Variants in TMTC1 observed in about 807,000 individuals in gnomAD.
The protein encoded by TMTC1 is protein O-mannosyl-transferase TMTC1.
In TMTC1, 73 loss-of-function variants were observed where a neutral mutation model predicts 104.8. That is an observed-to-expected ratio of 0.70 (90% CI 0.58 to 0.85). The LOEUF is 0.85. Among genes scored for constraint, TMTC1 ranks in the 40% least tolerant of loss-of-function variants. The probability of loss-of-function intolerance (pLI) is 0.00; values close to 1 mark genes in which losing one functional copy is unlikely to be tolerated. For synonymous variants in TMTC1, 434 were observed against 428.7 expected (o/e 1.01, Z -0.15); for missense variants, 1,035 against 1,096.1 (o/e 0.94, Z 0.79).
chr12:29,671,846 T>G (rs1940529777), intron 5 of TMTC1, among the ~76,000 whole-genome samples: 1 of 152,254 alleles, frequency 6.6e-6, no homozygotes, highest in South Asian at 2.1e-4. Flanking sequence ...GGGAAAGACC[T>G]AGGCCTGAAG....
intron 7 of TMTC1, among the ~76,000 whole-genome samples, chr12:29,592,822 A>G (rs1946315625): frequency 6.6e-6 from 1 of 152,228 alleles, no homozygotes; most frequent in Non-Finnish European, 1.5e-5. Context: ...ACATTATACT[A>G]TAATGATATT....
chr12:29,704,391 A>G (rs1258150909), intron 5 of TMTC1, among the ~76,000 whole-genome samples: 1 of 152,252 alleles, frequency 6.6e-6, no homozygotes, highest in Non-Finnish European at 1.5e-5. Flanking sequence ...TGAATGATAG[A>G]AAGTCTGAAT....
intron 6 of TMTC1, 96 bp downstream of exon 6, chr12:29,633,051 C>T (rs1938376717): frequency 8.6e-7 from 1 of 1,156,532 alleles, no homozygotes; most frequent in Non-Finnish European, 1.2e-6. Flanking sequence ...AGAGGAGATT[C>T]AATTTACACC....
At chr12:29,773,106 C>A (rs1451156044) in intron 1 of TMTC1, among the ~76,000 whole-genome samples, 1 of 152,104 alleles carries the variant, frequency 6.6e-6, no homozygotes, top group Non-Finnish European at 1.5e-5. Context: ...TATCTGAAAA[C>A]CTTCCAGAGT....
intron 10 of TMTC1, among the ~76,000 whole-genome samples, chr12:29,547,566 A>G (rs1944974725): frequency 6.6e-6 from 1 of 152,256 alleles, no homozygotes; most frequent in African/African-American, 2.4e-5. Flanking sequence ...AAATGAAACC[A>G]CATTTTAAAT....
At position 29,565,983 on chromosome 12, in the gene TMTC1, T is replaced by TCTA. The variant is rs1565674884; in HGVS notation, c.1532+6121_1532+6122insTAG. 2.0e-5 allele frequency among the ~76,000 whole-genome samples: 3 copies of TCTA among 152,334 alleles called. No individual in the cohort carries two copies. The East Asian group carries it at 5.8e-4, about 29-fold the overall frequency. ...ATAAGGACAAAGATTTCTGCTTTCA[T>TCTA]GCAGTTTACTGGGTAGAGGAGGGAC... On this transcript the variant is annotated intron_variant, in intron 9 of 17. Transcript: ENST00000539277.
chr12:29,514,068 G>A (rs1943914085), intron 16 of TMTC1, among the ~76,000 whole-genome samples: 1 of 152,168 alleles, frequency 6.6e-6, no homozygotes, highest in Non-Finnish European at 1.5e-5. Context: ...GACAAAGACT[G>A]TATCTTGGTG....
chr12:29,617,534 A>G (rs7308499), intron 6 of TMTC1, among the ~76,000 whole-genome samples: 68,148 of 141,530 alleles, frequency 0.48, 16,312 homozygotes, highest in African/African-American at 0.67. Flanking sequence ...CAAAACAGAC[A>G]ACAGAGAGAG....
chr12:29,571,577 C>T (rs1315152636), intron 9 of TMTC1, among the ~76,000 whole-genome samples: 1 of 125,432 alleles, frequency 8.0e-6, no homozygotes, highest in East Asian at 2.6e-4. Context: ...TTAATACACA[C>T]ACACATACAC....
chr12:29,695,819 ATATATATAT>A (rs1565775672), intron 5 of TMTC1, among the ~76,000 whole-genome samples: 1,652 of 92,106 alleles, frequency 0.018, 44 homozygotes, highest in African/African-American at 0.059. Flanking sequence ...ATATATATAT[ATATATATAT>A]AACCTGTCTT....
In TMTC1 at chr12:29,759,175, A is replaced by T. The variant is rs1055692764; in HGVS notation, c.481-398T>A. Among the ~76,000 whole-genome samples, 3 of 152,212 alleles carry T rather than the reference A, an allele frequency of 2.0e-5. No homozygotes were observed. The East Asian group carries it at 5.8e-4, about 29-fold the overall frequency. On this transcript the variant is annotated intron_variant, in intron 2 of 17. Transcript: ENST00000539277. Reference sequence around the variant, plus strand: ...CAGACAATATTTTTAGAGAACTAGAAAAAAGTAAGTTGAGAATCAATACTT... The same window carrying T: ...CAGACAATATTTTTAGAGAACTAGATAAAAGTAAGTTGAGAATCAATACTT...
At chr12:29,764,475 C>T (rs1053719899) in intron 2 of TMTC1, among the ~76,000 whole-genome samples, 2 of 151,988 alleles carry the variant, frequency 1.3e-5, no homozygotes, top group Non-Finnish European at 2.9e-5. Flanking sequence ...GCCATTGCAT[C>T]CCAGTCTGGG....
At chr12:29,695,793 T>TTTTATATATATATATATATA (rs371127995) in intron 5 of TMTC1, among the ~76,000 whole-genome samples, 11 of 83,796 alleles carry the variant, frequency 1.3e-4, no homozygotes, top group Non-Finnish European at 2.4e-4. Context: ...TACTTCCTTT[T>TTTTATATATATATATATATA]TATATATATA....
chr12:29,636,485 AT>A (rs1368890518), intron 5 of TMTC1, among the ~76,000 whole-genome samples: 2 of 152,242 alleles, frequency 1.3e-5, no homozygotes, highest in South Asian at 4.2e-4. Context: ...TATAACAAAA[AT>A]TTTTTAAAGT....
intron 1 of TMTC1, among the ~76,000 whole-genome samples, chr12:29,769,876 A>G (rs1017063566): frequency 4.6e-5 from 7 of 152,132 alleles, no homozygotes; most frequent in Non-Finnish European, 1.0e-4. Context: ...AATTTTCCAT[A>G]AAGAAGTAAC....
At chr12:29,672,497 C>T (rs1410301732) in intron 5 of TMTC1, among the ~76,000 whole-genome samples, 3 of 152,164 alleles carry the variant, frequency 2.0e-5, no homozygotes, top group Non-Finnish European at 4.4e-5. Context: ...TTCTATCCCA[C>T]CTTTATACTG....
At chr12:29,613,814 C>G in intron 6 of TMTC1, 2 of 293,646 alleles carry the variant, frequency 6.8e-6, no homozygotes, top group Non-Finnish European at 1.0e-5. Context: ...AGGAAGACAT[C>G]CCTCGGGCAA....
intron 9 of TMTC1, among the ~76,000 whole-genome samples, chr12:29,570,993 G>A (rs1161349436): frequency 6.7e-6 from 1 of 149,452 alleles, no homozygotes; most frequent in Non-Finnish European, 1.5e-5. Flanking sequence ...TGATTGATAA[G>A]CAATATTCTT....
chr12:29,523,817 G>A (rs1219940651), intron 11 of TMTC1, among the ~76,000 whole-genome samples: 1 of 151,966 alleles, frequency 6.6e-6, no homozygotes, highest in Non-Finnish European at 1.5e-5. Context: ...ACCTGTTTAG[G>A]ATTTTTTTAA....
Sources: allele counts gnomAD v4.1 joint callset (sites outside exome capture counted in the v4.1 genomes callset), GRCh38; gene constraint gnomAD v4.1.1; transcripts MANE v1.5; gene names NCBI Gene and HGNC (gene_info 2026-07-23, HGNC 2026-07-21).